The following CLMN variants were observed in gnomAD, a reference collection of about 807,000 sequenced individuals.
CLMN encodes the protein calmin.
Under a neutral mutation model 92.7 loss-of-function variants are expected in CLMN, and 57 were observed. The observed-to-expected ratio is 0.61, with a 90% CI of 0.50 to 0.77. The LOEUF is 0.77. Among genes scored for constraint, CLMN ranks in the 30% least tolerant of loss-of-function variants. The pLI is 0.00. For synonymous variants in CLMN, 466 were observed against 470.6 expected (o/e 0.99, Z 0.13); for missense variants, 1,158 against 1,237.5 (o/e 0.94, Z 0.96).
intron 1 of CLMN, among the ~76,000 whole-genome samples, chr14:95,311,918 G>A (rs1374995590): frequency 6.6e-6 from 1 of 151,874 alleles, no homozygotes; most frequent in Non-Finnish European, 1.5e-5. Flanking sequence ...TGTGACTCAT[G>A]CGGGCCTCTT....
intron 1 of CLMN, among the ~76,000 whole-genome samples, chr14:95,265,411 G>A (rs779004310): frequency 9.2e-5 from 14 of 152,144 alleles, no homozygotes; most frequent in African/African-American, 2.9e-4. Flanking sequence ...TTTTCCTTGC[G>A]TCTCCAGCCT....
intron 4 of CLMN, among the ~76,000 whole-genome samples, chr14:95,220,789 G>A (rs1897512316): frequency 6.6e-6 from 1 of 152,228 alleles, no homozygotes; most frequent in South Asian, 2.1e-4. Flanking sequence ...GTGATGCTGA[G>A]ACGACCACAA....
intron 1 of CLMN, among the ~76,000 whole-genome samples, chr14:95,243,373 A>C (rs1218411140): frequency 6.6e-6 from 1 of 152,122 alleles, no homozygotes; most frequent in African/African-American, 2.4e-5. Context: ...AAAAGGCAGA[A>C]GTGTTTGTTA....
intron 1 of CLMN, among the ~76,000 whole-genome samples, chr14:95,242,250 C>CTTTTTTTTTTTTTTTTTTTTT (rs371417505): frequency 1.1e-5 from 1 of 92,586 alleles, no homozygotes; most frequent in Non-Finnish European, 2.3e-5. Flanking sequence ...TTTTCTTTTT[C>CTTTTTTTTTTTTTTTTTTTTT]TTTTTTTTTT....
intron 4 of CLMN, 34 bp from the exon 5 acceptor site, chr14:95,215,767 G>A (rs915896458): frequency 2.0e-6 from 3 of 1,500,344 alleles, no homozygotes; most frequent in Non-Finnish European, 2.8e-6. Context: ...TTAAAGCGAG[G>A]TGTCCAGGGA....
chr14:95,191,462 C>T lies in CLMN; in HGVS notation c.*102G>A, dbSNP rs556097900. The T allele has an allele frequency of 4.4e-5, 38 of 865,636 alleles. No individual in the cohort carries two copies. Among genetic ancestry groups the T allele is most frequent in the Non-Finnish European group, 4.0e-5 (24 of 605,998 alleles). The allele number at this position is 865,636 out of a possible 1,614,324, so 53.6% of individuals were successfully genotyped here. A position where few individuals can be genotyped will look rare whatever the true frequency, so the allele number is the denominator to read the frequency against. ...AGGGGGTCTAAGTTTCCTCGGAGGTCCTCAACTGTCTGTAGAAGTGCCCCA... is the reference window on the plus strand; with the variant it reads ...AGGGGGTCTAAGTTTCCTCGGAGGTTCTCAACTGTCTGTAGAAGTGCCCCA... On this transcript the variant is annotated 3_prime_UTR_variant, in exon 13 of 13. Coordinates refer to ENST00000298912, the MANE Select transcript of CLMN (RefSeq NM_024734.4). The surrounding 1 kb of genome is among the most constrained non-coding windows in gnomAD (Gnocchi z 5.3).
In CLMN at chr14:95,310,200, G is replaced by A. The variant is rs1901470915; in HGVS notation, c.82+9511C>T. Among the ~76,000 whole-genome samples, 4 of 152,334 alleles carry A rather than the reference G, an allele frequency of 2.6e-5. No individual in the cohort carries two copies. In the South Asian group the frequency reaches 8.3e-4, roughly 32 times the overall value. On this transcript the variant is annotated intron_variant, in intron 1 of 12. Coordinates refer to ENST00000298912, the MANE Select transcript of CLMN (RefSeq NM_024734.4). ...CACCACACTTCCTGAACAGCCTGCA[G>A]AACCATGAGCCAATTAAACTTCTTT... is the stretch of plus-strand genomic sequence containing the variant.
At chr14:95,210,145 C>T (rs1204144643) in intron 7 of CLMN, among the ~76,000 whole-genome samples, 10 of 152,110 alleles carry the variant, frequency 6.6e-5, no homozygotes, top group African/African-American at 2.4e-4. Flanking sequence ...TTCCACCTCC[C>T]GGACTCAAGT....
At chr14:95,212,942 C>A (rs187048786) in intron 6 of CLMN, among the ~76,000 whole-genome samples, 58 of 152,098 alleles carry the variant, frequency 3.8e-4, no homozygotes, top group African/African-American at 1.4e-3. Context: ...CCCGCCACCA[C>A]GCCCGGCTAA....
chr14:95,245,229 ATATATATAT>A (rs1898473106), intron 1 of CLMN, among the ~76,000 whole-genome samples: 15 of 35,822 alleles, frequency 4.2e-4, no homozygotes, highest in Admixed American at 8.9e-4. Context: ...TATATATTAT[ATATATATAT>A]TATATATATA....
At chr14:95,193,497 C>A in intron 12 of CLMN, 2 of 877,216 alleles carry the variant, frequency 2.3e-6, no homozygotes, top group Admixed American at 4.8e-5. Flanking sequence ...ACCACCACCT[C>A]TTCTCCTGCC....
intron 1 of CLMN, among the ~76,000 whole-genome samples, chr14:95,250,874 A>G (rs1176131178): frequency 1.4e-4 from 21 of 152,328 alleles, no homozygotes; most frequent in Non-Finnish European, 1.5e-5. Context: ...CAAAGCCTCA[A>G]GATGATGAGC....
At chr14:95,245,254 A>T (rs796095256) in intron 1 of CLMN, among the ~76,000 whole-genome samples, 1,038 of 27,728 alleles carry the variant, frequency 0.037, 44 homozygotes, top group Non-Finnish European at 0.047. Flanking sequence ...ATATATATAT[A>T]ATATATATAT....
intron 1 of CLMN, among the ~76,000 whole-genome samples, chr14:95,241,384 C>T (rs908465065): frequency 5.9e-5 from 9 of 151,960 alleles, no homozygotes; most frequent in Non-Finnish European, 1.3e-4. Context: ...AGAGCATGCC[C>T]CAGGGGGAAA....
At chr14:95,288,884 C>T (rs1900444661) in intron 1 of CLMN, among the ~76,000 whole-genome samples, 1 of 152,222 alleles carries the variant, frequency 6.6e-6, no homozygotes, top group Non-Finnish European at 1.5e-5. Flanking sequence ...AAAGAATTAA[C>T]TCACAACTTG....
rs1348163466 is a variant in CLMN, at chr14:95,215,628, G to C, written c.417+13C>G. 1 of 1,607,990 alleles carries C rather than the reference G, an allele frequency of 6.2e-7. No individual in the cohort carries two copies. Among genetic ancestry groups the C allele is most frequent in the African/African-American group, 1.3e-5 (1 of 74,798 alleles). ...GATCATGATTGTGTGTTTTGGAAAA[G>C]AAATGATCTTACCTGGAAGAAGAGG... is the stretch of plus-strand genomic sequence containing the variant. On this transcript the variant is annotated intron_variant, in intron 5 of 12. Coordinates refer to ENST00000298912, the MANE Select transcript of CLMN (RefSeq NM_024734.4).
At chr14:95,305,574 G>A (rs1333810816) in intron 1 of CLMN, among the ~76,000 whole-genome samples, 4 of 152,242 alleles carry the variant, frequency 2.6e-5, no homozygotes, top group Non-Finnish European at 5.9e-5. Flanking sequence ...ATCAGCCCAT[G>A]AGGAATGATA....
rs201736845 is a variant in CLMN, at chr14:95,198,351, C to CTT, written c.2512-1659_2512-1658dup. Among the ~76,000 whole-genome samples, 424 of 145,396 alleles carry CTT rather than the reference C, an allele frequency of 2.9e-3. 1 individual carries two copies. The highest frequency in any genetic ancestry group is 0.01 in the African/African-American group (402 of 39,856). On this transcript the variant is annotated intron_variant, in intron 9 of 12. Transcript: ENST00000298912. ...AGGCGTGAGCCACTGCTCCTGGCCT[C>CTT]TTTTTTTTTTTTAAAGGAAGGCAAG...
intron 2 of CLMN, among the ~76,000 whole-genome samples, chr14:95,229,478 T>C (rs900007792): frequency 2.6e-5 from 4 of 152,036 alleles, no homozygotes; most frequent in Admixed American, 1.3e-4. Context: ...GGAGAAGCCA[T>C]GGAAAGTTCA....
Sources: allele counts gnomAD v4.1 joint callset (sites outside exome capture counted in the v4.1 genomes callset), GRCh38; gene constraint gnomAD v4.1.1; non-coding constraint Gnocchi (gnomAD v3.1); transcripts MANE v1.5; gene names NCBI Gene and HGNC (gene_info 2026-07-23, HGNC 2026-07-21).